Variants in FHIT observed in about 807,000 individuals in gnomAD.
FHIT encodes the protein bis(5'-adenosyl)-triphosphatase.
FHIT carries 19 observed loss-of-function variants against 17.9 expected under a neutral mutation model. The ratio of observed to expected loss-of-function variants is 1.06; its 90% CI spans 0.74 to 1.56. FHIT has a LOEUF of 1.56. FHIT is among the 40% of genes most tolerant of loss of function. The pLI, the probability that FHIT is intolerant of heterozygous loss-of-function variation, is 0.00. For missense variants in FHIT, 248 were observed against 189.2 expected (o/e 1.31, Z -1.82); for synonymous variants, 81 against 69.7 (o/e 1.16, Z -0.81).
chr3:60,352,345 G>C (rs1427306436), intron 5 of FHIT, among the ~76,000 whole-genome samples: 2 of 152,028 alleles, frequency 1.3e-5, no homozygotes, highest in Admixed American at 6.6e-5. Flanking sequence ...ACGAAACTAA[G>C]AATTGTACAA....
intron 5 of FHIT, among the ~76,000 whole-genome samples, chr3:60,401,887 A>G (rs1381048265): frequency 1.3e-5 from 2 of 152,178 alleles, no homozygotes; most frequent in Admixed American, 1.3e-4. Flanking sequence ...TGCCTTAATC[A>G]GATACCTCAA....
chr3:61,014,029 C>T (rs1215643426), intron 3 of FHIT, among the ~76,000 whole-genome samples: 1 of 152,042 alleles, frequency 6.6e-6, no homozygotes, highest in Non-Finnish European at 1.5e-5. Context: ...GCAAGGAGGG[C>T]AGATGAGAAG....
At chr3:61,250,563 T>C (rs1576297130) in intron 1 of FHIT, among the ~76,000 whole-genome samples, 1 of 152,178 alleles carries the variant, frequency 6.6e-6, no homozygotes, top group African/African-American at 2.4e-5. Flanking sequence ...TGAGTGGCTG[T>C]TCCAAGGTAA....
At chr3:59,973,497 C>T (rs1488157683) in intron 7 of FHIT, among the ~76,000 whole-genome samples, 1 of 152,114 alleles carries the variant, frequency 6.6e-6, no homozygotes, top group African/African-American at 2.4e-5. Context: ...TCCCTTACAA[C>T]CCAATTCAAT....
At chr3:60,199,812 A>C (rs1354090998) in intron 5 of FHIT, among the ~76,000 whole-genome samples, 1 of 152,118 alleles carries the variant, frequency 6.6e-6, no homozygotes, top group Non-Finnish European at 1.5e-5. Flanking sequence ...GGTAACCTAC[A>C]ATTCTTCTGT....
intron 3 of FHIT, among the ~76,000 whole-genome samples, chr3:60,925,665 T>C (rs543992030): frequency 1.4e-4 from 21 of 152,196 alleles, no homozygotes; most frequent in African/African-American, 5.1e-4. Context: ...ATGAGCAAAA[T>C]AACCAGCTAA....
chr3:60,873,749 C>A (rs1553755629), intron 3 of FHIT, among the ~76,000 whole-genome samples: 1 of 152,194 alleles, frequency 6.6e-6, no homozygotes, highest in Non-Finnish European at 1.5e-5. Flanking sequence ...AAGTAGTAAT[C>A]TTATAATTTG....
Position 61,181,285 on chromosome 3 carries a change from G to T in FHIT, c.-164+19332C>A, listed in dbSNP as rs551613159. Among the ~76,000 whole-genome samples, 34 of 152,206 alleles carry T rather than the reference G, an allele frequency of 2.2e-4. No homozygotes were observed. In the South Asian group the frequency reaches 6.8e-3, roughly 31 times the overall value. Reference sequence around the variant, plus strand: ...TCTCTTGATTATCAACAATCAAGAGGCTATAGCAAATAAATATACAAATAT... The same window carrying T: ...TCTCTTGATTATCAACAATCAAGAGTCTATAGCAAATAAATATACAAATAT... On this transcript the variant is annotated intron_variant, in intron 2 of 9. Transcript: ENST00000492590.
intron 5 of FHIT, among the ~76,000 whole-genome samples, chr3:60,254,901 A>G (rs1705911033): frequency 6.6e-6 from 1 of 152,232 alleles, no homozygotes; most frequent in Admixed American, 6.5e-5. Context: ...TTGTGCTCAT[A>G]AGCACATCAC....
Position 60,405,429 on chromosome 3 carries a change from G to T in FHIT, c.103+131431C>A, listed in dbSNP as rs145720472. The stretch of plus-strand genomic sequence containing the variant: ...CCGCCTTCTGGTAGGGGGACCACCC[G>T]CATGACCCCTCTCCACTGAAAGCTG... On this transcript the variant is annotated intron_variant, in intron 5 of 9. Transcript: ENST00000492590. 5.3e-5 allele frequency among the ~76,000 whole-genome samples: 8 copies of T among 152,262 alleles called. No individual in the cohort carries two copies. The East Asian group carries it at 1.4e-3, about 26-fold the overall frequency.
At chr3:60,412,909 A>T (rs376118899) in intron 5 of FHIT, among the ~76,000 whole-genome samples, 2 of 152,086 alleles carry the variant, frequency 1.3e-5, no homozygotes, top group Non-Finnish European at 2.9e-5. Context: ...CTGTTTGCAC[A>T]TGCTTTCTCT....
intron 4 of FHIT, among the ~76,000 whole-genome samples, chr3:60,581,179 T>C (rs2037737971): frequency 6.6e-6 from 1 of 152,134 alleles, no homozygotes; most frequent in Non-Finnish European, 1.5e-5. Context: ...TGCTTACATA[T>C]GCCAAGAATA....
intron 7 of FHIT, among the ~76,000 whole-genome samples, chr3:59,954,013 G>T (rs77065763): frequency 0.013 from 1,924 of 152,212 alleles, 31 homozygotes; most frequent in African/African-American, 0.043. Flanking sequence ...TGTGAAACTT[G>T]TATTCCAGTG....
intron 8 of FHIT, among the ~76,000 whole-genome samples, chr3:59,818,622 A>G (rs1273840806): frequency 6.6e-6 from 1 of 152,126 alleles, no homozygotes; most frequent in South Asian, 2.1e-4. Flanking sequence ...AAAAAGTAAC[A>G]TTTGCTTTTA....
At chr3:60,171,048 C>T (rs1701397065) in intron 5 of FHIT, among the ~76,000 whole-genome samples, 1 of 152,160 alleles carries the variant, frequency 6.6e-6, no homozygotes, top group South Asian at 2.1e-4. Context: ...ACTTTGGGAA[C>T]TGATAAAATT....
At chr3:61,016,279 G>A (rs986380032) in intron 3 of FHIT, among the ~76,000 whole-genome samples, 20 of 152,164 alleles carry the variant, frequency 1.3e-4, no homozygotes, top group Admixed American at 6.5e-4. Context: ...TGGAAATCAC[G>A]TGATTAATGG....
At chr3:60,240,928 A>C (rs2107572833) in intron 5 of FHIT, among the ~76,000 whole-genome samples, 1 of 152,292 alleles carries the variant, frequency 6.6e-6, no homozygotes, top group Non-Finnish European at 1.5e-5. Flanking sequence ...AACATGCCAC[A>C]GGTTTCTCAC....
At chr3:60,251,138 T>C (rs1200128512) in intron 5 of FHIT, among the ~76,000 whole-genome samples, 1 of 152,214 alleles carries the variant, frequency 6.6e-6, no homozygotes, top group African/African-American at 2.4e-5. Flanking sequence ...GAGCTTTCAC[T>C]GGATTAAGCT....
At chr3:60,914,097 G>T (rs782004729) in intron 3 of FHIT, among the ~76,000 whole-genome samples, 2 of 152,174 alleles carry the variant, frequency 1.3e-5, no homozygotes, top group Non-Finnish European at 2.9e-5. Context: ...TTGCAGACAA[G>T]CTACCACAGA....
Sources: allele counts gnomAD v4.1 joint callset (sites outside exome capture counted in the v4.1 genomes callset), GRCh38; gene constraint gnomAD v4.1.1; transcripts MANE v1.5; gene names NCBI Gene and HGNC (gene_info 2026-07-23, HGNC 2026-07-21).